INPP4B: variants seen among roughly 807,000 people sequenced by gnomAD.
INPP4B encodes inositol polyphosphate 4-phosphatase type II.
In INPP4B, 55 loss-of-function variants were observed where a neutral mutation model predicts 122.5. The observed-to-expected ratio is 0.45, with a 90% CI of 0.36 to 0.56. The LOEUF is 0.56. Ranked by LOEUF, INPP4B falls within the 20% of genes least tolerant of loss-of-function variation. INPP4B has a pLI of 0.00. For missense variants in INPP4B, 1,000 were observed against 1,097.7 expected, an observed-to-expected ratio of 0.91 and a Z score of 1.26; for synonymous variants, 403 against 388.7, an observed-to-expected ratio of 1.04 and a Z score of -0.43.
intron 12 of INPP4B, among the ~76,000 whole-genome samples, chr4:142,226,762 A>C (rs1851764553): frequency 6.6e-6 from 1 of 152,210 alleles, no homozygotes; most frequent in African/African-American, 2.4e-5. Context: ...CAGATATAAA[A>C]ATTAAATGGG....
At chr4:142,485,985 A>G (rs916111216) in intron 2 of INPP4B, among the ~76,000 whole-genome samples, 1 of 152,132 alleles carries the variant, frequency 6.6e-6, no homozygotes, top group South Asian at 2.1e-4. Context: ...TGTTACATAC[A>G]TTTATTCTGG....
chr4:142,516,062 A>G (rs756507256), intron 2 of INPP4B, among the ~76,000 whole-genome samples: 2 of 152,172 alleles, frequency 1.3e-5, no homozygotes, highest in Non-Finnish European at 2.9e-5. Context: ...TAATTCTCAA[A>G]GGGGCAATCC....
intron 7 of INPP4B, among the ~76,000 whole-genome samples, chr4:142,363,437 A>C (rs1044901701): frequency 4.0e-5 from 6 of 151,890 alleles, no homozygotes; most frequent in South Asian, 2.1e-4. Context: ...GTATATATTT[A>C]TATATATGTA....
chr4:142,464,954 C>T (rs1048774103), intron 2 of INPP4B, among the ~76,000 whole-genome samples: 2 of 152,166 alleles, frequency 1.3e-5, no homozygotes, highest in South Asian at 4.1e-4. Flanking sequence ...CTGCACATCT[C>T]TTCTGGATGT....
intron 2 of INPP4B, among the ~76,000 whole-genome samples, chr4:142,706,899 T>A (rs1014813739): frequency 1.3e-5 from 2 of 152,240 alleles, no homozygotes; most frequent in Non-Finnish European, 2.9e-5. Context: ...AAAATTTGCA[T>A]ATGAAGCTCT....
intron 2 of INPP4B, among the ~76,000 whole-genome samples, chr4:142,567,659 A>G (rs1731921313): frequency 6.6e-6 from 1 of 152,178 alleles, no homozygotes; most frequent in Admixed American, 6.5e-5. Flanking sequence ...ATAACAGTGA[A>G]ATAGATATAT....
chr4:142,170,003 A>G (rs896360020), intron 16 of INPP4B, among the ~76,000 whole-genome samples: 1 of 151,704 alleles, frequency 6.6e-6, no homozygotes, highest in Non-Finnish European at 1.5e-5. Flanking sequence ...CAGGCCTTTA[A>G]AAACATTATT....
At chr4:142,368,334 T>C (rs940219592) in intron 7 of INPP4B, among the ~76,000 whole-genome samples, 3 of 152,056 alleles carry the variant, frequency 2.0e-5, no homozygotes, top group Non-Finnish European at 4.4e-5. Flanking sequence ...CAATGAAAAA[T>C]TCAGTGTCTC....
At chr4:142,391,276 G>A (rs1167041008) in intron 7 of INPP4B, among the ~76,000 whole-genome samples, 3 of 152,160 alleles carry the variant, frequency 2.0e-5, no homozygotes, top group African/African-American at 4.8e-5. Flanking sequence ...ACATGGACTC[G>A]GCTGGGCATG....
At position 142,288,307 on chromosome 4, in the gene INPP4B, G is replaced by A. The variant is rs1275073496; in HGVS notation, c.503+17151C>T. Among the ~76,000 whole-genome samples the A allele has an allele frequency of 6.6e-5, 10 of 152,172 alleles. 1 individual carries two copies. Among genetic ancestry groups the A allele is most frequent in the South Asian group, 4.1e-4 (2 of 4,824 alleles). On this transcript the variant is annotated intron_variant, in intron 9 of 25. Transcript: ENST00000262992. The stretch of plus-strand genomic sequence containing the variant: ...TCTTAAAATGGCTGATTACTAGGCC[G>A]GGCGTGTTGGCTCACGCCTGTAATC...
At position 142,082,040 on chromosome 4, in the gene INPP4B, C is replaced by A; in HGVS notation, c.2633G>T (p.Cys878Phe). 6.9e-7 allele frequency: 1 copy of A among 1,448,750 alleles called. No homozygotes were observed. The highest frequency in any genetic ancestry group is 9.3e-7 in the Non-Finnish European group (1 of 1,078,278). 89.7% of individuals were successfully genotyped at this position (1,448,750 alleles called of 1,614,324 possible). Reference protein sequence around the residue: ...HKDFFIRALDCMRREGCRIEN... With the variant: ...HKDFFIRALDFMRREGCRIEN... Reference sequence around the variant, plus strand: ...AAAACATGTGAGATACCTTCTCATGCAATCCAGCGCTCGGATAAAGAAGTC... The same window carrying A: ...AAAACATGTGAGATACCTTCTCATGAAATCCAGCGCTCGGATAAAGAAGTC... The change falls in exon 25 of 26, where the codon TGC becomes TTC. Residue 878 changes from cysteine to phenylalanine, a missense_variant. Transcript: ENST00000262992.
chr4:142,247,111 T>C (rs556246603), intron 11 of INPP4B, among the ~76,000 whole-genome samples: 1 of 152,218 alleles, frequency 6.6e-6, no homozygotes, highest in African/African-American at 2.4e-5. Flanking sequence ...GATTTGTGTA[T>C]GTTGAACCAG....
rs756308055 is a variant in INPP4B, at chr4:142,749,510, T to C, written c.-253-23609A>G. ...TTAAAAGAAGTAAAAGAAAATGATG[T>C]AGCCATCGTTTTAAGAATCCATTTT... is the stretch of plus-strand genomic sequence containing the variant. On this transcript the variant is annotated intron_variant, in intron 1 of 25. Coordinates refer to ENST00000262992, the MANE Select transcript of INPP4B (RefSeq NM_001101669.3). Among the ~76,000 whole-genome samples, 18 of 151,212 alleles carry C rather than the reference T, an allele frequency of 1.2e-4. 1 individual carries two copies. The highest frequency in any genetic ancestry group is 7.4e-5 in the Non-Finnish European group (5 of 67,824).
chr4:142,773,825 C>T (rs1773447887), intron 1 of INPP4B, among the ~76,000 whole-genome samples: 1 of 151,990 alleles, frequency 6.6e-6, no homozygotes, highest in African/African-American at 2.4e-5. Flanking sequence ...TGTTGTTTCC[C>T]CAGAAGAGAA....
chr4:142,689,144 T>G (rs1190069555), intron 2 of INPP4B, among the ~76,000 whole-genome samples: 1 of 152,160 alleles, frequency 6.6e-6, no homozygotes, highest in Non-Finnish European at 1.5e-5. Flanking sequence ...TCTATTGCAA[T>G]TCTTCTCTCT....
At chr4:142,436,796 GAGAA>G (rs1251319756) in intron 3 of INPP4B, among the ~76,000 whole-genome samples, 1 of 134,066 alleles carries the variant, frequency 7.5e-6, no homozygotes, top group Non-Finnish European at 1.6e-5. Flanking sequence ...TCATGAAGAT[GAGAA>G]AGAATCAATA....
At chr4:142,143,316 CT>C (rs1808824229) in intron 18 of INPP4B, among the ~76,000 whole-genome samples, 1 of 147,206 alleles carries the variant, frequency 6.8e-6, no homozygotes, top group Admixed American at 6.9e-5. Flanking sequence ...CACACTACCT[CT>C]CCTCTCCCTT....
At chr4:142,252,750 A>G (rs1732985866) in intron 11 of INPP4B, among the ~76,000 whole-genome samples, 1 of 152,246 alleles carries the variant, frequency 6.6e-6, no homozygotes, top group African/African-American at 2.4e-5. Flanking sequence ...CTATTCTTTT[A>G]ACAGCTTTAT....
At chr4:142,768,328 A>T (rs1772474133) in intron 1 of INPP4B, among the ~76,000 whole-genome samples, 1 of 152,216 alleles carries the variant, frequency 6.6e-6, no homozygotes, top group South Asian at 2.1e-4. Context: ...TACAGGCAGC[A>T]AAGAAGCATT....
Sources: allele counts gnomAD v4.1 joint callset (sites outside exome capture counted in the v4.1 genomes callset), GRCh38; gene constraint gnomAD v4.1.1; transcripts MANE v1.5; gene names NCBI Gene and HGNC (gene_info 2026-07-23, HGNC 2026-07-21).